The following TTC3 variants were observed in gnomAD, a reference collection of about 807,000 sequenced individuals.
TTC3 encodes the protein tetratricopeptide repeat domain 3.
Under a neutral mutation model 249.6 loss-of-function variants are expected in TTC3, and 180 were observed. That is an observed-to-expected ratio of 0.72 (90% CI 0.64 to 0.82). TTC3 has a LOEUF of 0.82. Among genes scored for constraint, TTC3 ranks in the 40% least tolerant of loss-of-function variants. TTC3 has a pLI of 0.00. For missense variants in TTC3, 2,061 were observed against 2,398.4 expected (o/e 0.86, Z 2.94); for synonymous variants, 717 against 805.0 (o/e 0.89, Z 1.85).
chr21:37,165,732 A>G lies in TTC3; in HGVS notation c.3518A>G (p.Lys1173Arg), dbSNP rs2148074870. 1.9e-6 allele frequency: 3 copies of G among 1,613,652 alleles called. No individual in the cohort carries two copies. In the East Asian group the frequency reaches 6.7e-5, roughly 36 times the overall value. Residue 1173 changes from lysine to arginine, a missense_variant, in exon 33 of 46, where the codon AAG becomes AGG. Lys to Arg is a conservative substitution (Grantham distance 26). Coordinates refer to ENST00000355666, the Ensembl canonical transcript of TTC3. ...ATTGACAACTGTATTGCACTGAAGA[A>G]GGTTGCATCACGGCTCAAGAAAAAA...
At chr21:37,163,836 GCTTA>G (rs1269938374) in intron 31 of TTC3, among the ~76,000 whole-genome samples, 1 of 152,166 alleles carries the variant, frequency 6.6e-6, no homozygotes, top group Non-Finnish European at 1.5e-5. Flanking sequence ...AATTGAAAGT[GCTTA>G]CTTAGATTGT....
At position 37,166,353 on chromosome 21, in the gene TTC3, A is replaced by G. The variant is rs1601926607; in HGVS notation, c.4139A>G (p.Asn1380Ser). 1.9e-6 allele frequency: 3 copies of G among 1,614,202 alleles called. No individual in the cohort carries two copies. In the East Asian group the frequency reaches 6.7e-5, roughly 36 times the overall value. Residue 1380 changes from asparagine to serine, a missense_variant, in exon 33 of 46, where the codon AAT (asparagine) becomes AGT (serine). Asn to Ser is a conservative substitution (Grantham distance 46, BLOSUM62 1). Around this residue, in one of 3 missense-constraint regions of TTC3, gnomAD observed 1,040 missense variants for 1,186.1 expected, o/e 0.88. Coordinates refer to ENST00000355666, the Ensembl canonical transcript of TTC3. ...GTAGCCAATGACAGAGCAGATAAAA[A>G]TGCTGCTGCCTATTTTGAGGGTCAT...
chr21:37,140,721 A>G, intron 20 of TTC3, 48 bp downstream of exon 20: 6 of 1,280,062 alleles, frequency 4.7e-6, no homozygotes, highest in Non-Finnish European at 6.6e-6. Context: ...TAACTCATTT[A>G]AAATCCAATG....
At chr21:37,177,080 A>G (rs1337525050) in intron 35 of TTC3, among the ~76,000 whole-genome samples, 3 of 152,058 alleles carry the variant, frequency 2.0e-5, no homozygotes, top group Non-Finnish European at 4.4e-5. Flanking sequence ...AGGGCTAGCA[A>G]GAGCTCTGCA....
At position 37,149,820 on chromosome 21, in the gene TTC3, A is replaced by G. The variant is rs117969047; in HGVS notation, c.2119-258A>G. On this transcript the variant is annotated intron_variant, in intron 23 of 45. Transcript: ENST00000355666. ...GAAGTGTTTGTTAAACCTTTTGTCTAGACATGTGTATGTCATGTCTGGTCA... is the reference window on the plus strand; with the variant it reads ...GAAGTGTTTGTTAAACCTTTTGTCTGGACATGTGTATGTCATGTCTGGTCA... Among the ~76,000 whole-genome samples the G allele has an allele frequency of 2.0e-4, 30 of 152,330 alleles. No individual in the cohort carries two copies. The East Asian group carries it at 5.2e-3, about 26-fold the overall frequency.
intron 28 of TTC3, 148 bp from the exon 29 acceptor site, chr21:37,159,551 G>A: frequency 1.2e-6 from 1 of 833,454 alleles, no homozygotes; most frequent in East Asian, 2.8e-5. Flanking sequence ...TTTGCCCTTG[G>A]TTTCTAAACT....
rs113425690 is a variant in TTC3, at chr21:37,088,215, A to G, written c.207A>G (p.Ile69Met). 43 of 1,609,648 alleles carry G rather than the reference A, an allele frequency of 2.7e-5. No individual in the cohort carries two copies. The highest frequency in any genetic ancestry group is 2.1e-4 in the African/African-American group (16 of 74,896). Reference sequence around the variant, plus strand: ...ATTAAGAATTTGACATCTGCAGTATATGGTGTAGTAAACCAATTTCTGTCC... The same window carrying G: ...ATTAAGAATTTGACATCTGCAGTATGTGGTGTAGTAAACCAATTTCTGTCC... The change falls in exon 4 of 46, where the codon ATA (isoleucine) becomes ATG (methionine). Residue 69 changes from isoleucine (I) to methionine (M), a missense_variant. Physicochemically the swap from Ile to Met is conservative, Grantham distance 10. Coordinates refer to ENST00000355666, the Ensembl canonical transcript of TTC3.
intron 16 of TTC3, among the ~76,000 whole-genome samples, chr21:37,130,856 T>C (rs1278367556): frequency 6.6e-6 from 1 of 152,102 alleles, no homozygotes; most frequent in Non-Finnish European, 1.5e-5. Flanking sequence ...ACATACACCT[T>C]TGTGCACCTG....
At chr21:37,196,152 T>C in intron 42 of TTC3, 116 bp downstream of exon 42, 1 of 1,377,184 alleles carries the variant, frequency 7.3e-7, no homozygotes, top group Non-Finnish European at 9.8e-7. Context: ...ATAATTGTTT[T>C]GCTCAGAAAG....
At chr21:37,078,990 C>T (rs2071258764) in intron 1 of TTC3, among the ~76,000 whole-genome samples, 1 of 152,184 alleles carries the variant, frequency 6.6e-6, no homozygotes, top group East Asian at 1.9e-4. Flanking sequence ...TTTCAGTTGT[C>T]ACATGCTTTT....
chr21:37,177,015 C>T (rs912975244), intron 35 of TTC3, among the ~76,000 whole-genome samples: 3 of 152,172 alleles, frequency 2.0e-5, no homozygotes, highest in Admixed American at 6.5e-5. Context: ...AATCGCTAAG[C>T]GTAGAAGTCT....
intron 35 of TTC3, among the ~76,000 whole-genome samples, chr21:37,179,396 G>C (rs965431275): frequency 1.3e-5 from 2 of 152,178 alleles, no homozygotes; most frequent in African/African-American, 4.8e-5. Flanking sequence ...TGTATCTCCT[G>C]TCTCCATTTT....
chr21:37,121,752 C>G, intron 11 of TTC3, 65 bp from the exon 12 acceptor site: 1 of 1,409,414 alleles, frequency 7.1e-7, no homozygotes, highest in Non-Finnish European at 9.4e-7. Flanking sequence ...AACATTTTTC[C>G]TTACCTGTTT....
At chr21:37,092,829 C>G (rs2073446701) in intron 7 of TTC3, among the ~76,000 whole-genome samples, 1 of 151,904 alleles carries the variant, frequency 6.6e-6, no homozygotes, top group Admixed American at 6.6e-5. Context: ...TTAAAATATC[C>G]TTTTTATATA....
chr21:37,174,981 C>T (rs928827568), intron 35 of TTC3, among the ~76,000 whole-genome samples: 2 of 151,874 alleles, frequency 1.3e-5, no homozygotes, highest in African/African-American at 4.8e-5. Context: ...TATGGCCAGG[C>T]GCGGTGGCTC....
intron 23 of TTC3, among the ~76,000 whole-genome samples, 174 bp from the exon 24 acceptor site, chr21:37,149,904 C>A (rs896292639): frequency 6.6e-6 from 1 of 152,164 alleles, no homozygotes; most frequent in Non-Finnish European, 1.5e-5. Context: ...TATATTTTTC[C>A]TACACGGAAG....
At chr21:37,168,471 A>G (rs569758353) in intron 34 of TTC3, among the ~76,000 whole-genome samples, 23 of 152,276 alleles carry the variant, frequency 1.5e-4, no homozygotes, top group Admixed American at 1.3e-3. Context: ...GTTAGAAAGT[A>G]TGTTGAAAGA....
intron 23 of TTC3, 37 bp downstream of exon 23, chr21:37,148,684 A>G: frequency 7.1e-7 from 1 of 1,402,780 alleles, no homozygotes; most frequent in Non-Finnish European, 9.7e-7. Context: ...TTTTCAGTAT[A>G]CTTATTGTAT....
intron 30 of TTC3, 47 bp from the exon 31 acceptor site, chr21:37,161,943 A>G: frequency 9.0e-6 from 12 of 1,333,212 alleles, no homozygotes; most frequent in Non-Finnish European, 1.1e-5. Flanking sequence ...TCTTTAATGG[A>G]ATTTTAAGGT....
Sources: gnomAD v4.1 joint callset for allele counts (sites outside exome capture counted in the v4.1 genomes callset) on GRCh38, gnomAD v4.1.1 for gene constraint, gnomAD v4.1.1 regional missense constraint, MANE v1.5 for transcripts, NCBI Gene and HGNC (gene_info 2026-07-23, HGNC 2026-07-21) for gene names.